Variants in PDK2 observed in about 807,000 individuals in gnomAD.
PDK2 encodes the protein pyruvate dehydrogenase kinase, isozyme 2.
A neutral mutation model predicts 50.4 loss-of-function variants in PDK2; 34 were observed. The ratio of observed to expected loss-of-function variants is 0.68; its 90% CI spans 0.51 to 0.90. The LOEUF is 0.90. Among genes scored for constraint, PDK2 ranks in the 40% least tolerant of loss-of-function variants. The pLI is 0.00. For missense variants in PDK2, 377 were observed against 544.5 expected, an observed-to-expected ratio of 0.69 and a Z score of 3.06; for synonymous variants, 232 against 216.0, an observed-to-expected ratio of 1.07 and a Z score of -0.65.
At chr17:50,105,765 G>A in intron 3 of PDK2, 120 bp from the exon 4 acceptor site, 2 of 1,345,198 alleles carry the variant, frequency 1.5e-6, no homozygotes, top group Non-Finnish European at 2.0e-6. Flanking sequence ...GGAGCAGGGA[G>A]GGCACTGGGA....
At chr17:50,098,423 T>C (rs1910057196) in intron 2 of PDK2, 1 of 152,192 alleles carries the variant, frequency 6.6e-6, no homozygotes, top group African/African-American at 2.4e-5. Flanking sequence ...AAAAATAATA[T>C]TCACCCAGGC....
At chr17:50,097,727 T>A in intron 2 of PDK2, 163 bp downstream of exon 2, 1 of 709,978 alleles carries the variant, frequency 1.4e-6, no homozygotes. Flanking sequence ...CACGTGGGAA[T>A]CTGAGGCCAG....
At chr17:50,098,302 G>A (rs1038249964) in intron 2 of PDK2, among the ~76,000 whole-genome samples, 4 of 152,200 alleles carry the variant, frequency 2.6e-5, no homozygotes, top group Non-Finnish European at 4.4e-5. Flanking sequence ...CTTGCAGTAT[G>A]ATATAGTTGT....
chr17:50,098,972 C>T (rs57103175), intron 2 of PDK2: 57,129 of 151,778 alleles, frequency 0.38, 10,913 homozygotes, highest in East Asian at 0.56. Flanking sequence ...GCTAAGGGAG[C>T]TGAGAACTGA....
chr17:50,097,616 TG>T (rs1910018184), intron 2 of PDK2, 52 bp downstream of exon 2: 2 of 1,597,718 alleles, frequency 1.3e-6, no homozygotes. Context: ...CCAGTGTCCC[TG>T]GGCTCAGGGA....
rs777899491 is a variant in PDK2, at chr17:50,101,122, G to C, written c.260+3558G>C. ...CTGCTGTCACTAACAGGCTCTTTGT[G>C]GGGGCTGTAGGTGGGAGGCGATATG... On this transcript the variant is annotated intron_variant, in intron 2 of 10. Transcript: ENST00000503176. The surrounding 1 kb of genome is among the most constrained non-coding windows in gnomAD (Gnocchi z 4.2). The C allele has an allele frequency of 6.6e-6, 1 of 152,320 alleles. No individual in the cohort carries two copies. The highest frequency in any genetic ancestry group is 6.5e-5 in the Admixed American group (1 of 15,300). The allele number at this position is 152,320 out of a possible 1,614,324, so 9.4% of individuals were successfully genotyped here.
chr17:50,105,719 C>T (rs545485591), intron 3 of PDK2, among the ~76,000 whole-genome samples, 166 bp from the exon 4 acceptor site: 6 of 152,166 alleles, frequency 3.9e-5, no homozygotes, highest in East Asian at 3.9e-4. Context: ...GGAAGCCTGC[C>T]GGCAGGCAGC....
At position 50,108,246 on chromosome 17, in the gene PDK2, G is replaced by C; in HGVS notation, c.762+14G>C. 1 of 1,601,492 alleles carries C rather than the reference G, an allele frequency of 6.2e-7. No individual in the cohort carries two copies. Among genetic ancestry groups the C allele is most frequent in the Middle Eastern group, 1.7e-4 (1 of 6,040 alleles). On this transcript the variant is annotated intron_variant, in intron 7 of 10. Transcript: ENST00000503176. ...GAGCTCTTCAAGGTGAGGAGGCTGG[G>C]AGCCGGTGCTTTGCGGGGAGCGTGA...
At chr17:50,105,037 C>CCAGA (rs1456030500) in intron 2 of PDK2, among the ~76,000 whole-genome samples, 2 of 152,222 alleles carry the variant, frequency 1.3e-5, no homozygotes, top group Non-Finnish European at 2.9e-5. Context: ...GTCCAGTCTC[C>CCAGA]CTGCCCCATC....
At chr17:50,105,294 G>T in intron 2 of PDK2, 77 bp from the exon 3 acceptor site, 2 of 1,046,952 alleles carry the variant, frequency 1.9e-6, no homozygotes, top group Non-Finnish European at 2.7e-6. Context: ...ACAAGAGCAA[G>T]GCCCAGTTGA....
chr17:50,103,825 G>A (rs990502408), intron 2 of PDK2, among the ~76,000 whole-genome samples: 24 of 152,134 alleles, frequency 1.6e-4, no homozygotes, highest in Non-Finnish European at 3.1e-4. Context: ...CTGGAGACTC[G>A]GGGGCTTCAT....
Position 50,109,118 on chromosome 17 carries a change from C to CCA in PDK2, c.970-161_970-160dup, listed in dbSNP as rs1567714789. 6.6e-6 allele frequency among the ~76,000 whole-genome samples: 1 copy of CCA among 152,084 alleles called. No homozygotes were observed. The highest frequency in any genetic ancestry group is 2.4e-5 in the African/African-American group (1 of 41,398). On this transcript the variant is annotated intron_variant, in intron 9 of 10. Transcript: ENST00000503176. This position sits in a 1 kb window ranked among gnomAD's most constrained non-coding sequence, Gnocchi z 5.0. ...CGCATTCATGATTGCCCCATTCACC[C>CCA]CACACACACTTCTTACCTCAGTGTC...
At chr17:50,106,312 C>A in intron 4 of PDK2, 1 of 998,678 alleles carries the variant, frequency 1.0e-6, no homozygotes, top group Non-Finnish European at 1.4e-6. Flanking sequence ...AATTATGTCA[C>A]ATCTTTAAAA....
Position 50,106,783 on chromosome 17 carries a change from C to T in PDK2, c.518-11C>T, listed in dbSNP as rs1567713820. Reference sequence around the variant, plus strand: ...AGCCCAGCCAACAGCATCCTCCCTTCCTGCCTGCAGCCCTCATCTTTGATG... The same window carrying T: ...AGCCCAGCCAACAGCATCCTCCCTTTCTGCCTGCAGCCCTCATCTTTGATG... On this transcript the variant is annotated splice_polypyrimidine_tract_variant and intron_variant, in intron 4 of 10. Coordinates refer to ENST00000503176, the MANE Select transcript of PDK2 (RefSeq NM_002611.5). The T allele has an allele frequency of 6.2e-7, 1 of 1,613,066 alleles. No homozygotes were observed. Among genetic ancestry groups the T allele is most frequent in the Non-Finnish European group, 8.5e-7 (1 of 1,179,070 alleles).
chr17:50,108,050 G>A, intron 6 of PDK2, 106 bp from the exon 7 acceptor site: 1 of 849,014 alleles, frequency 1.2e-6, no homozygotes, highest in East Asian at 2.6e-5. Context: ...TCGCTGGGCA[G>A]CCATGTACTC....
chr17:50,108,109 T>C, intron 6 of PDK2, 47 bp from the exon 7 acceptor site: 1 of 1,504,482 alleles, frequency 6.6e-7, no homozygotes, highest in Non-Finnish European at 9.1e-7. Context: ...GGTTGAGCAG[T>C]GACCTCCTGA....
At position 50,109,538 on chromosome 17, in the gene PDK2, TAC is replaced by T; in HGVS notation, c.1083+140_1083+141del. On this transcript the variant is annotated intron_variant, in intron 10 of 10. Coordinates refer to ENST00000503176, the MANE Select transcript of PDK2 (RefSeq NM_002611.5). The surrounding 1 kb of genome is among the most constrained non-coding windows in gnomAD (Gnocchi z 5.0). ...CAGACTCTGAGAATCCAAGCAAAGC[TAC>T]AGTTCCTCAACCTGAAGAACCCTCA... 1 of 587,112 alleles carries T rather than the reference TAC, an allele frequency of 1.7e-6. No homozygotes were observed. Among genetic ancestry groups the T allele is most frequent in the Non-Finnish European group, 3.0e-6 (1 of 333,628 alleles). The allele number at this position is 587,112 out of a possible 1,614,324, so 36.4% of individuals were successfully genotyped here. A position where few individuals can be genotyped will look rare whatever the true frequency, so the allele number is the denominator to read the frequency against.
At chr17:50,107,385 G>A (rs773157222) in intron 6 of PDK2, among the ~76,000 whole-genome samples, 3 of 152,050 alleles carry the variant, frequency 2.0e-5, no homozygotes, top group Non-Finnish European at 4.4e-5. Context: ...GTTTGAGACC[G>A]GCCTCGGCAA....
chr17:50,099,775 A>T (rs1467219926), intron 2 of PDK2, among the ~76,000 whole-genome samples: 1 of 152,274 alleles, frequency 6.6e-6, no homozygotes, highest in Non-Finnish European at 1.5e-5. Context: ...CCTGGGCGAC[A>T]GAGCGAGACT....
Sources: allele counts gnomAD v4.1 joint callset (sites outside exome capture counted in the v4.1 genomes callset), GRCh38; gene constraint gnomAD v4.1.1; non-coding constraint Gnocchi (gnomAD v3.1); transcripts MANE v1.5; gene names NCBI Gene and HGNC (gene_info 2026-07-23, HGNC 2026-07-21).